Variants in CERKL observed in about 807,000 individuals in gnomAD.
CERKL encodes CERK like autophagy regulator.
A neutral mutation model predicts 63.4 loss-of-function variants in CERKL; 61 were observed. The observed-to-expected ratio is 0.96, with a 90% CI of 0.78 to 1.19. CERKL has a LOEUF of 1.19. CERKL is among the 50% of genes most tolerant of loss of function. The pLI, the probability that CERKL is intolerant of heterozygous loss-of-function variation, is 0.00. For missense variants in CERKL, 675 were observed against 655.5 expected (o/e 1.03, Z -0.33); for synonymous variants, 250 against 230.5 (o/e 1.08, Z -0.77).
rs748394238 is a variant in CERKL, at chr2:181,548,741, G to A, written c.1012C>T (p.Arg338Ter). ...GRTLALAEKY[R>*]WMSPNQRRDF... ...CTCCGTTGGTTAGGGGACATCCATC[G>A]ATATTTTTCTGCCAGAGCCAAAGTT... Residue 338 changes from arginine to a stop codon, truncating the protein, a stop_gained, in exon 7 of 13, where the codon CGA becomes TGA. Transcript: ENST00000410087. LOFTEE classifies it high-confidence loss of function. 5.6e-6 allele frequency: 9 copies of A among 1,613,920 alleles called. No homozygotes were observed. The highest frequency in any genetic ancestry group is 4.0e-5 in the African/African-American group (3 of 74,928).
chr2:181,641,273 A>ATG (rs1328922827), intron 1 of CERKL, among the ~76,000 whole-genome samples: 11 of 149,566 alleles, frequency 7.4e-5, no homozygotes, highest in Non-Finnish European at 1.2e-4. Context: ...ATGTTAATAT[A>ATG]TGTGTGTATA....
intron 1 of CERKL, among the ~76,000 whole-genome samples, chr2:181,626,512 T>C (rs1686710802): frequency 6.6e-6 from 1 of 152,194 alleles, no homozygotes; most frequent in Non-Finnish European, 1.5e-5. Flanking sequence ...AGGTTTGCTC[T>C]ATCAGAGGGG....
chr2:181,614,164 G>A (rs1376331663), intron 1 of CERKL, among the ~76,000 whole-genome samples: 1 of 152,196 alleles, frequency 6.6e-6, no homozygotes, highest in East Asian at 1.9e-4. Context: ...GAGAGCTAAA[G>A]CAGAAGGCTT....
At chr2:181,617,732 G>A (rs1686260072) in intron 1 of CERKL, among the ~76,000 whole-genome samples, 2 of 152,076 alleles carry the variant, frequency 1.3e-5, no homozygotes, top group African/African-American at 4.8e-5. Context: ...GTACAAGACA[G>A]ACCAATAAAT....
At chr2:181,600,429 A>G (rs1198453553) in intron 2 of CERKL, among the ~76,000 whole-genome samples, 1 of 152,216 alleles carries the variant, frequency 6.6e-6, no homozygotes, top group Non-Finnish European at 1.5e-5. Context: ...GGCAAATTAG[A>G]TTTTTTAAAT....
At chr2:181,548,148 C>T (rs1037120468) in intron 8 of CERKL, 10 of 542,316 alleles carry the variant, frequency 1.8e-5, no homozygotes, top group East Asian at 3.1e-5. Context: ...AAAATTATCA[C>T]GAGGGACAAA....
intron 4 of CERKL, among the ~76,000 whole-genome samples, chr2:181,564,828 C>A (rs1342855512): frequency 1.3e-5 from 2 of 152,090 alleles, no homozygotes; most frequent in Non-Finnish European, 2.9e-5. Context: ...ATGCATGATT[C>A]CCACAAGGAC....
intron 1 of CERKL, among the ~76,000 whole-genome samples, chr2:181,628,377 AGAT>A (rs1686803443): frequency 6.6e-6 from 1 of 152,200 alleles, no homozygotes; most frequent in South Asian, 2.1e-4. Context: ...GGAATGGAAG[AGAT>A]AATACAGAAA....
Position 181,537,736 on chromosome 2 carries a change from T to C in CERKL, c.*448A>G, listed in dbSNP as rs1687229230. ...TTTTTTTGTGTGTCCAATAAACACA[T>C]TGTAAAAAAAAGAATTTGAATTGAT... On this transcript the variant is annotated 3_prime_UTR_variant, in exon 13 of 13. Transcript: ENST00000410087. 1 of 441,066 alleles carries C rather than the reference T, an allele frequency of 2.3e-6. No individual in the cohort carries two copies. The highest frequency in any genetic ancestry group is 1.6e-5 in the South Asian group (1 of 61,954). 27.3% of individuals were successfully genotyped at this position (441,066 alleles called of 1,614,324 possible).
intron 4 of CERKL, among the ~76,000 whole-genome samples, chr2:181,561,423 A>AAT (rs1553514954): frequency 1.3e-5 from 2 of 151,862 alleles, no homozygotes; most frequent in Non-Finnish European, 2.9e-5. Context: ...AAAAAAAAAA[A>AAT]AATAGATCAT....
At chr2:181,542,677 A>T (rs188616444) in intron 11 of CERKL, among the ~76,000 whole-genome samples, 130 of 152,316 alleles carry the variant, frequency 8.5e-4, no homozygotes, top group Non-Finnish European at 1.4e-3. Context: ...AAGTTGATAA[A>T]TAAATCAGAG....
chr2:181,563,996 C>T (rs1444502382), intron 4 of CERKL, among the ~76,000 whole-genome samples: 1 of 152,052 alleles, frequency 6.6e-6, no homozygotes, highest in East Asian at 1.9e-4. Flanking sequence ...GGGTGGGAGA[C>T]GGATGGTTTC....
intron 5 of CERKL, among the ~76,000 whole-genome samples, chr2:181,556,437 C>T (rs749864182): frequency 8.6e-4 from 130 of 151,728 alleles, no homozygotes; most frequent in Non-Finnish European, 1.5e-3. Context: ...TGTTCCCCTT[C>T]CTGTGTCCAA....
At chr2:181,601,497 G>C (rs2105890739) in intron 2 of CERKL, among the ~76,000 whole-genome samples, 1 of 152,280 alleles carries the variant, frequency 6.6e-6, no homozygotes, top group South Asian at 2.1e-4. Context: ...GGGAGGCAAA[G>C]GGTGCAGTGA....
At chr2:181,605,610 A>T (rs929124163) in intron 1 of CERKL, among the ~76,000 whole-genome samples, 1 of 152,194 alleles carries the variant, frequency 6.6e-6, no homozygotes, top group African/African-American at 2.4e-5. Flanking sequence ...TTTTCCAGGT[A>T]ACTTAACTAC....
chr2:181,644,136 A>G (rs532020587), intron 1 of CERKL, among the ~76,000 whole-genome samples: 1 of 152,328 alleles, frequency 6.6e-6, no homozygotes, highest in Admixed American at 6.5e-5. Context: ...GCATCTGTCC[A>G]TGTCCCCTTT....
Position 181,550,241 on chromosome 2 carries a change from C to T in CERKL, c.821-533G>A, listed in dbSNP as rs577368893. On this transcript the variant is annotated intron_variant, in intron 5 of 12. Transcript: ENST00000410087. This position sits in a 1 kb window ranked among gnomAD's most constrained non-coding sequence, Gnocchi z 4.5. The stretch of plus-strand genomic sequence containing the variant: ...GCCAAATGAGAATCCCCTCTGTTAT[C>T]TGACAAATGTCTCCTACATTGAAGA... Among the ~76,000 whole-genome samples the T allele has an allele frequency of 6.6e-6, 1 of 152,302 alleles. No homozygotes were observed. The highest frequency in any genetic ancestry group is 6.5e-5 in the Admixed American group (1 of 15,282).
rs993739663 is a variant in CERKL, at chr2:181,550,832, T to C, written c.821-1124A>G. On this transcript the variant is annotated intron_variant, in intron 5 of 12. Transcript: ENST00000410087. This position sits in a 1 kb window ranked among gnomAD's most constrained non-coding sequence, Gnocchi z 4.5. ...AAGCATATTTAATTATTATTAATTA[T>C]AAATAAGCACAATTACTTCTAGTAA... Among the ~76,000 whole-genome samples the C allele has an allele frequency of 6.6e-6, 1 of 152,150 alleles. No homozygotes were observed. Among genetic ancestry groups the C allele is most frequent in the African/African-American group, 2.4e-5 (1 of 41,456 alleles).
chr2:181,606,845 G>A (rs1220322488), intron 1 of CERKL, among the ~76,000 whole-genome samples: 1 of 152,020 alleles, frequency 6.6e-6, no homozygotes, highest in Non-Finnish European at 1.5e-5. Context: ...AAGTATTTTA[G>A]TGAAATGCTC....
Sources: gnomAD v4.1 joint callset for allele counts (sites outside exome capture counted in the v4.1 genomes callset) on GRCh38, gnomAD v4.1.1 for gene constraint, Gnocchi (gnomAD v3.1) non-coding constraint, MANE v1.5 for transcripts, NCBI Gene and HGNC (gene_info 2026-07-23, HGNC 2026-07-21) for gene names.